Variants in ESR2 observed in about 807,000 individuals in gnomAD.
ESR2 encodes estrogen receptor beta.
A neutral mutation model predicts 49.6 loss-of-function variants in ESR2; 36 were observed. The observed-to-expected ratio is 0.73, with a 90% CI of 0.56 to 0.96. The LOEUF (loss-of-function observed/expected upper bound fraction) is 0.96, where lower values mean the gene tolerates loss of function less well. ESR2 is among the 40% of genes least tolerant of loss of function. The pLI is 0.00. For missense variants in ESR2, 714 were observed against 693.0 expected (o/e 1.03, Z -0.34); for synonymous variants, 320 against 266.1 (o/e 1.20, Z -1.97).
rs572668266 is a variant in ESR2, at chr14:64,288,185, T to C, written c.-90-5110A>G. Among the ~76,000 whole-genome samples the C allele has an allele frequency of 5.3e-5, 8 of 152,186 alleles. No individual in the cohort carries two copies. The South Asian group carries it at 1.2e-3, about 24-fold the overall frequency. On this transcript the variant is annotated intron_variant, in intron 1 of 8. Transcript: ENST00000341099. ...TCAGCCAGAAAGCTTTTTGTACACA[T>C]GGGATCGTGCATGGTGTTCTAATGT... is the stretch of plus-strand genomic sequence containing the variant.
At chr14:64,294,630 C>T (rs915714481), upstream of ESR2, among the ~76,000 whole-genome samples, 1 of 152,200 alleles carries the variant, frequency 6.6e-6, no homozygotes, top group African/African-American at 2.4e-5. Flanking sequence ...GCATTTCCAA[C>T]CAGGTCCTGG....
intron 1 of ESR2, among the ~76,000 whole-genome samples, chr14:64,333,050 G>T (rs185204258): frequency 6.6e-6 from 1 of 151,262 alleles, no homozygotes; most frequent in Non-Finnish European, 1.5e-5. Flanking sequence ...CTAATTTTTT[G>T]TATTTTTTAG....
chr14:64,265,278 G>A (rs527629436), intron 4 of ESR2, among the ~76,000 whole-genome samples: 31 of 152,310 alleles, frequency 2.0e-4, no homozygotes, highest in African/African-American at 7.0e-4. Flanking sequence ...GATGATCGTA[G>A]TGATAAATGA....
At chr14:64,260,373 T>C (rs890849578) in intron 5 of ESR2, 76 bp downstream of exon 5, 1 of 1,367,868 alleles carries the variant, frequency 7.3e-7, no homozygotes, top group Non-Finnish European at 1.0e-6. Context: ...ACCTCTACTT[T>C]GTACTCTTGC....
intron 1 of ESR2, among the ~76,000 whole-genome samples, chr14:64,312,251 A>C (rs1279511984): frequency 6.6e-6 from 1 of 152,196 alleles, no homozygotes; most frequent in Non-Finnish European, 1.5e-5. Flanking sequence ...TTCAAAATGG[A>C]ATTCTAAAAA....
Position 64,231,846 on chromosome 14 carries a change from G to C in ESR2, c.*1291C>G, listed in dbSNP as rs2098727529. The C allele has an allele frequency of 6.6e-6, 1 of 152,192 alleles. No individual in the cohort carries two copies. The highest frequency in any genetic ancestry group is 1.5e-5 in the Non-Finnish European group (1 of 68,036). The allele number at this position is 152,192 out of a possible 1,614,324, so 9.4% of individuals were successfully genotyped here. ...AAATTTCACATCTTTTAAAAGGTGA[G>C]TTAAAGTTGTCATTTCAGAGGTGCC... is the stretch of plus-strand genomic sequence containing the variant. On this transcript the variant is annotated 3_prime_UTR_variant, in exon 9 of 9. Coordinates refer to ENST00000341099, the MANE Select transcript of ESR2 (RefSeq NM_001437.3).
intron 4 of ESR2, among the ~76,000 whole-genome samples, chr14:64,263,457 G>T (rs1475032086): frequency 2.0e-5 from 3 of 152,106 alleles, no homozygotes; most frequent in Non-Finnish European, 2.9e-5. Flanking sequence ...AGGAGTTTGA[G>T]ACCAGCCTGG....
rs181254037 is a variant in ESR2, at chr14:64,286,582, G to A, written c.-90-3507C>T. Among the ~76,000 whole-genome samples the A allele has an allele frequency of 1.8e-3, 279 of 152,158 alleles. 1 individual carries two copies. Among genetic ancestry groups the A allele is most frequent in the Admixed American group, 2.0e-3 (30 of 15,248 alleles). ...CTCCCAAAGTGCTGGGATTACAAGCGAGAGCCACCAGCCAGAATTTTGTAT... is the reference window on the plus strand; with the variant it reads ...CTCCCAAAGTGCTGGGATTACAAGCAAGAGCCACCAGCCAGAATTTTGTAT... On this transcript the variant is annotated intron_variant, in intron 1 of 8. Transcript: ENST00000341099.
chr14:64,313,627 C>T (rs1277602754), intron 1 of ESR2, among the ~76,000 whole-genome samples: 4 of 151,112 alleles, frequency 2.6e-5, no homozygotes, highest in South Asian at 2.1e-4. Flanking sequence ...CGGTGGCTCA[C>T]GCCTGTAATC....
At chr14:64,251,169 C>T (rs2075979637) in intron 6 of ESR2, among the ~76,000 whole-genome samples, 1 of 152,102 alleles carries the variant, frequency 6.6e-6, no homozygotes, top group Non-Finnish European at 1.5e-5. Context: ...GTAAGGACAA[C>T]ACAAGCCCTG....
intron 1 of ESR2, chr14:64,330,928 A>C (rs1485444459): frequency 5.9e-5 from 6 of 101,926 alleles, no homozygotes; most frequent in African/African-American, 1.6e-4. Flanking sequence ...CCATCTTGAC[A>C]AAAAAAAAAA....
Position 64,233,143 on chromosome 14 carries a change from A to C in ESR2, c.1587T>G (p.Ser529=), listed in dbSNP as rs754184089. Residue 529 remains serine (S), a synonymous_variant, in exon 9 of 9, where the codon TCT becomes TCG. Coordinates refer to ENST00000341099, the MANE Select transcript of ESR2 (RefSeq NM_001437.3). ...KSKEGSQNPQ[S]Q The stretch of plus-strand genomic sequence containing the variant: ...TTCACCTCAGGGCCAGGCGTCACTG[A>C]GACTGTGGGTTCTGGGAGCCCTCTT... 3 of 1,613,170 alleles carry C rather than the reference A, an allele frequency of 1.9e-6. No individual in the cohort carries two copies. The Admixed American group carries it at 5.0e-5, about 27-fold the overall frequency.
At chr14:64,227,802 ACT>A, downstream of ESR2, 1 of 1,553,760 alleles carries the variant, frequency 6.4e-7, no homozygotes, top group African/African-American at 1.4e-5. Context: ...TATTCCCAAA[ACT>A]CTTTTATGAG....
chr14:64,275,572 G>A (rs2076543165), intron 3 of ESR2, among the ~76,000 whole-genome samples: 1 of 152,062 alleles, frequency 6.6e-6, no homozygotes, highest in African/African-American at 2.4e-5. Flanking sequence ...GCGTGGTGGT[G>A]GGTGTCTGTA....
At chr14:64,248,465 C>T (rs1490237581) in intron 7 of ESR2, among the ~76,000 whole-genome samples, 3 of 143,610 alleles carry the variant, frequency 2.1e-5, no homozygotes, top group African/African-American at 8.0e-5. Context: ...ATGATCATGC[C>T]ACTGCCCTCC....
At chr14:64,305,456 G>A (rs1280677386) in intron 1 of ESR2, among the ~76,000 whole-genome samples, 1 of 151,618 alleles carries the variant, frequency 6.6e-6, no homozygotes, top group Non-Finnish European at 1.5e-5. Context: ...GGATCACGAG[G>A]TCAGGAGATC....
At chr14:64,331,499 T>C (rs909906733) in intron 1 of ESR2, among the ~76,000 whole-genome samples, 6 of 152,024 alleles carry the variant, frequency 3.9e-5, no homozygotes, top group African/African-American at 9.7e-5. Flanking sequence ...ACAGGAAGGA[T>C]AGAAAAAGGG....
chr14:64,303,111 C>G (rs193275109), intron 1 of ESR2, among the ~76,000 whole-genome samples: 3 of 152,236 alleles, frequency 2.0e-5, no homozygotes, highest in Admixed American at 2.0e-4. Flanking sequence ...AGAGAGCCTA[C>G]TGTTAAATGT....
chr14:64,306,281 TAAG>T (rs1171020075), intron 1 of ESR2, among the ~76,000 whole-genome samples: 1 of 152,306 alleles, frequency 6.6e-6, no homozygotes, highest in East Asian at 1.9e-4. Flanking sequence ...TTTTGGCTCT[TAAG>T]AAGAATTAAA....
Sources: gnomAD v4.1 joint callset for allele counts (sites outside exome capture counted in the v4.1 genomes callset) on GRCh38, gnomAD v4.1.1 for gene constraint, MANE v1.5 for transcripts, NCBI Gene and HGNC (gene_info 2026-07-23, HGNC 2026-07-21) for gene names.